SETD1B: variants seen among roughly 807,000 people sequenced by gnomAD.
SETD1B encodes the protein SET domain containing 1B, histone lysine methyltransferase.
Under a neutral mutation model 148.0 loss-of-function variants are expected in SETD1B, and 7 were observed. The ratio of observed to expected loss-of-function variants is 0.05; its 90% CI spans 0.03 to 0.09. The LOEUF is 0.09. Ranked by LOEUF, SETD1B falls within the 10% of genes least tolerant of loss-of-function variation. The pLI, the probability that SETD1B is intolerant of heterozygous loss-of-function variation, is 1.00. For synonymous variants in SETD1B, 1,361 were observed against 1,186.5 expected (o/e 1.15, Z -3.02); for missense variants, 2,155 against 2,729.9 (o/e 0.79, Z 4.69).
Position 121,828,084 on chromosome 12 carries a change from G to C in SETD1B, c.5727+14G>C, listed in dbSNP as rs759388179. Reference sequence around the variant, plus strand: ...CACAGCTGCAACGTGAGTGCCCAGCGGGGGGTGGCCCCTGCCCCTGCTCCT... The same window carrying C: ...CACAGCTGCAACGTGAGTGCCCAGCCGGGGGTGGCCCCTGCCCCTGCTCCT... On this transcript the variant is annotated intron_variant, in intron 16 of 16. Transcript: ENST00000604567. 2.0e-5 allele frequency: 31 copies of C among 1,550,728 alleles called. No homozygotes were observed. The highest frequency in any genetic ancestry group is 2.4e-5 in the Non-Finnish European group (28 of 1,146,734).
In SETD1B at chr12:121,830,023, C is replaced by G. The variant is rs1459890110; in HGVS notation, c.5728-43C>G. On this transcript the variant is annotated intron_variant, in intron 16 of 16. Coordinates refer to ENST00000604567, the MANE Select transcript of SETD1B (RefSeq NM_001353345.2). The surrounding 1 kb of genome is among the most constrained non-coding windows in gnomAD (Gnocchi z 5.7). ...GGGGGGTCTGCAGTGGTGGGGGACC[C>G]TGGGGGACCAGGGGCTCATTCTCCC... 2.1e-5 allele frequency: 32 copies of G among 1,529,594 alleles called. No individual in the cohort carries two copies. Among genetic ancestry groups the G allele is most frequent in the African/African-American group, 2.8e-5 (2 of 72,588 alleles). 94.8% of individuals were successfully genotyped at this position (1,529,594 alleles called of 1,614,324 possible).
At position 121,828,106 on chromosome 12, in the gene SETD1B, T is replaced by C. The variant is rs760472435; in HGVS notation, c.5727+36T>C. ...AGCGGGGGGTGGCCCCTGCCCCTGC[T>C]CCTGCCCCTGGCCCTGCTTCTGTGC... On this transcript the variant is annotated intron_variant, in intron 16 of 16. Transcript: ENST00000604567. The C allele has an allele frequency of 1.1e-5, 17 of 1,547,340 alleles. No individual in the cohort carries two copies. In the South Asian group the frequency reaches 1.7e-4, roughly 15 times the overall value.
At chr12:121,809,160 C>T (rs1256161422) in intron 5 of SETD1B, among the ~76,000 whole-genome samples, 1 of 152,204 alleles carries the variant, frequency 6.6e-6, no homozygotes, top group Non-Finnish European at 1.5e-5. Flanking sequence ...AGTCATGAGC[C>T]ACCACGCCTG....
intron 4 of SETD1B, among the ~76,000 whole-genome samples, chr12:121,807,581 G>A (rs1476300112): frequency 1.3e-5 from 2 of 152,052 alleles, no homozygotes; most frequent in African/African-American, 2.4e-5. Flanking sequence ...GCATATGTAA[G>A]CAGCTGCCTC....
chr12:121,804,646 T>C lies in SETD1B; in HGVS notation c.-14-78T>C, dbSNP rs954152536. Reference sequence around the variant, plus strand: ...GTGGGAGGGGGTGGGGGCCTGCCGATTGGATTCTTTCGCGTGTGTGTAGAA... The same window carrying C: ...GTGGGAGGGGGTGGGGGCCTGCCGACTGGATTCTTTCGCGTGTGTGTAGAA... On this transcript the variant is annotated intron_variant, in intron 1 of 16. Coordinates refer to ENST00000604567, the MANE Select transcript of SETD1B (RefSeq NM_001353345.2). This position sits in a 1 kb window ranked among gnomAD's most constrained non-coding sequence, Gnocchi z 4.6. 29 of 1,276,376 alleles carry C rather than the reference T, an allele frequency of 2.3e-5. No homozygotes were observed. Among genetic ancestry groups the C allele is most frequent in the Middle Eastern group, 2.7e-4 (1 of 3,666 alleles). 79.1% of individuals were successfully genotyped at this position (1,276,376 alleles called of 1,614,324 possible).
Position 121,812,559 on chromosome 12 carries a change from A to C in SETD1B, c.1891-1547A>C, listed in dbSNP as rs915140662. Among the ~76,000 whole-genome samples the C allele has an allele frequency of 4.6e-5, 7 of 151,608 alleles. No homozygotes were observed. In the East Asian group the frequency reaches 1.4e-3, roughly 30 times the overall value. The stretch of plus-strand genomic sequence containing the variant: ...GAGACTGCTGGGCAGAGGGAGGGGC[A>C]GGGCCGGCCGGGGCTGGAGCGCAGG... On this transcript the variant is annotated intron_variant, in intron 6 of 16. Coordinates refer to ENST00000604567, the MANE Select transcript of SETD1B (RefSeq NM_001353345.2).
intron 10 of SETD1B, among the ~76,000 whole-genome samples, chr12:121,818,583 T>C (rs1876410525): frequency 6.7e-6 from 1 of 148,712 alleles, no homozygotes; most frequent in Non-Finnish European, 1.5e-5. Context: ...ATAAATAAAA[T>C]TTTTTTTACA....
rs1283975296 is a variant in SETD1B at position 121,814,350 on chromosome 12, C to T, written c.2135C>T (p.Pro712Leu). ...CCCATGCCCCCACCGCTGCCCCCAC[C>T]GCCGCCCCCACCCCCTCCAGCCCAC... Reference protein sequence around the residue: ...GFPMPPPLPPPPPPPPPAHPA... With the variant: ...GFPMPPPLPPLPPPPPPAHPA... Residue 712 changes from proline (P) to leucine (L), a missense_variant, in exon 7 of 17, where the codon CCG (proline) becomes CTG (leucine). This residue lies in a region of SETD1B where 295 missense variants were observed against 303.8 expected (regional missense o/e 0.97). Transcript: ENST00000604567. The T allele has an allele frequency of 5.8e-6, 4 of 684,748 alleles. No homozygotes were observed. The highest frequency in any genetic ancestry group is 4.4e-4 in the Middle Eastern group (1 of 2,286). The allele number at this position is 684,748 out of a possible 1,614,324, so 42.4% of individuals were successfully genotyped here.
rs185627877 is a variant in SETD1B at position 121,831,423 on chromosome 12, C to T, written c.*1184C>T. The T allele has an allele frequency of 1.1e-4, 17 of 152,018 alleles. No homozygotes were observed. The highest frequency in any genetic ancestry group is 7.2e-4 in the Admixed American group (11 of 15,282). 9.4% of individuals were successfully genotyped at this position (152,018 alleles called of 1,614,324 possible). Reference sequence around the variant, plus strand: ...TTTTTTTTTCCCTTTTGACCCCCTTCCCATCTCTTCAGAATTTATTCCCAT... The same window carrying T: ...TTTTTTTTTCCCTTTTGACCCCCTTTCCATCTCTTCAGAATTTATTCCCAT... On this transcript the variant is annotated 3_prime_UTR_variant, in exon 17 of 17. Coordinates refer to ENST00000604567, the MANE Select transcript of SETD1B (RefSeq NM_001353345.2).
intron 4 of SETD1B, among the ~76,000 whole-genome samples, chr12:121,807,126 C>T (rs1249473108): frequency 6.6e-6 from 1 of 152,100 alleles, no homozygotes; most frequent in Non-Finnish European, 1.5e-5. Flanking sequence ...TCTTTTTTTG[C>T]GTTTAATGAT....
At chr12:121,824,449 C>G (rs950890264) in intron 12 of SETD1B, among the ~76,000 whole-genome samples, 1 of 152,162 alleles carries the variant, frequency 6.6e-6, no homozygotes, top group African/African-American at 2.4e-5. Flanking sequence ...AAGTTTGAGA[C>G]CAGCCTGGCC....
rs1177272568 is a variant in SETD1B at position 121,822,900 on chromosome 12, G to A, written c.4321G>A (p.Gly1441Arg). 1.9e-5 allele frequency: 28 copies of A among 1,498,480 alleles called. No homozygotes were observed. Among genetic ancestry groups the A allele is most frequent in the Non-Finnish European group, 2.1e-5 (23 of 1,119,310 alleles). The allele number at this position is 1,498,480 out of a possible 1,614,324, so 92.8% of individuals were successfully genotyped here. The change falls in exon 12 of 17, where the codon GGG becomes AGG. Residue 1441 changes from glycine (G) to arginine (R), a missense_variant. By Grantham distance (125) the Gly-to-Arg change is moderately radical (BLOSUM62 -2). Transcript: ENST00000604567. ...SFTPTFSEPS[G>R]PLLLPVCPLP... is the part of the protein sequence containing the mutation. ...CACACCCACCTTCTCCGAGCCCAGCGGGCCCTTGCTCCTGCCCGTCTGCCC... is the reference window on the plus strand; with the variant it reads ...CACACCCACCTTCTCCGAGCCCAGCAGGCCCTTGCTCCTGCCCGTCTGCCC...
At chr12:121,820,394 G>A (rs187032422) in intron 11 of SETD1B, among the ~76,000 whole-genome samples, 59 of 152,376 alleles carry the variant, frequency 3.9e-4, no homozygotes, top group African/African-American at 1.3e-3. Context: ...GTCCAGCACT[G>A]TAGCCTTCAG....
chr12:121,817,304 C>T lies in SETD1B; in HGVS notation c.2977+10C>T, dbSNP rs1302776175. The T allele has an allele frequency of 2.6e-6, 4 of 1,548,016 alleles. No homozygotes were observed. Among genetic ancestry groups the T allele is most frequent in the Non-Finnish European group, 3.5e-6 (4 of 1,145,148 alleles). ...GATGAGGAAGATGAAGGTTCGTGCT[C>T]TGGGTGCTGGGGTCCCCTTCTTCCG... On this transcript the variant is annotated intron_variant, in intron 8 of 16. Transcript: ENST00000604567. This position sits in a 1 kb window ranked among gnomAD's most constrained non-coding sequence, Gnocchi z 8.1.
rs927891585 is a variant in SETD1B at position 121,830,312 on chromosome 12, G to T, written c.*73G>T. 4.1e-6 allele frequency: 6 copies of T among 1,447,052 alleles called. No individual in the cohort carries two copies. Among genetic ancestry groups the T allele is most frequent in the Non-Finnish European group, 5.6e-6 (6 of 1,080,794 alleles). 89.6% of individuals were successfully genotyped at this position (1,447,052 alleles called of 1,614,324 possible). The stretch of plus-strand genomic sequence containing the variant: ...CGAGCGTGGAGCCCCTGGCCCCGGG[G>T]CCCGGCCCCCCGCGCCCGCCCCCAT... On this transcript the variant is annotated 3_prime_UTR_variant, in exon 17 of 17. Coordinates refer to ENST00000604567, the MANE Select transcript of SETD1B (RefSeq NM_001353345.2). This position sits in a 1 kb window ranked among gnomAD's most constrained non-coding sequence, Gnocchi z 5.7.
chr12:121,810,608 C>T lies in SETD1B; in HGVS notation c.1663C>T (p.Arg555Trp). ...PFGTNSQPGF[R>W]GPTPPSSRPS... The stretch of plus-strand genomic sequence containing the variant: ...TGGCACCAACTCCCAGCCAGGCTTC[C>T]GGGGCCCCACGCCCCCCTCGTCACG... The change falls in exon 6 of 17, where the codon CGG becomes TGG. Residue 555 changes from arginine to tryptophan, a missense_variant. Physicochemically the swap from Arg to Trp is moderately radical, Grantham distance 101. This residue lies in a region of SETD1B where 295 missense variants were observed against 303.8 expected (regional missense o/e 0.97). Coordinates refer to ENST00000604567, the MANE Select transcript of SETD1B (RefSeq NM_001353345.2). This position sits in a 1 kb window ranked among gnomAD's most constrained non-coding sequence, Gnocchi z 7.6. 6.5e-7 allele frequency: 1 copy of T among 1,548,352 alleles called. No homozygotes were observed.
Position 121,805,981 on chromosome 12 carries a change from C to T in SETD1B, c.420C>T (p.Thr140=). The T allele has an allele frequency of 2.6e-6, 4 of 1,551,638 alleles. No individual in the cohort carries two copies. In the African/African-American group the frequency reaches 4.1e-5, roughly 16 times the overall value. The change falls in exon 4 of 17, where the codon ACC becomes ACT. Residue 140 remains threonine (T), a synonymous_variant. Coordinates refer to ENST00000604567, the MANE Select transcript of SETD1B (RefSeq NM_001353345.2). The surrounding 1 kb of genome is among the most constrained non-coding windows in gnomAD (Gnocchi z 4.2). ...TGGAGATTTTGTACAACCCCAAGAC[C>T]AAGAAGCACCTGGGCATCGCCAAGG... ...EEVEILYNPK[T]KKHLGIAKVV... is the part of the protein sequence containing the mutation.
chr12:121,794,659 G>GC, the SETD1B span, among the ~76,000 whole-genome samples: 1 of 152,122 alleles, frequency 6.6e-6, no homozygotes. Context: ...CTTACTGTAG[G>GC]CAGTGCTATC....
chr12:121,804,594 C>G lies in SETD1B; in HGVS notation c.-14-130C>G. On this transcript the variant is annotated intron_variant, in intron 1 of 16. Coordinates refer to ENST00000604567, the MANE Select transcript of SETD1B (RefSeq NM_001353345.2). This position sits in a 1 kb window ranked among gnomAD's most constrained non-coding sequence, Gnocchi z 4.6. ...CTTGTTTTGGGGGGAGCCAGCGAGA[C>G]AGCTCCTTTCGGGGCGCGCTGGCAA... 1.4e-6 allele frequency: 1 copy of G among 720,218 alleles called. No homozygotes were observed. Among genetic ancestry groups the G allele is most frequent in the Admixed American group, 3.0e-5 (1 of 33,600 alleles). The allele number at this position is 720,218 out of a possible 1,614,324, so 44.6% of individuals were successfully genotyped here. A position where few individuals can be genotyped will look rare whatever the true frequency, so the allele number is the denominator to read the frequency against.
Sources: gnomAD v4.1 joint callset for allele counts (sites outside exome capture counted in the v4.1 genomes callset) on GRCh38, gnomAD v4.1.1 for gene constraint, gnomAD v4.1.1 regional missense constraint, Gnocchi (gnomAD v3.1) non-coding constraint, MANE v1.5 for transcripts, NCBI Gene and HGNC (gene_info 2026-07-23, HGNC 2026-07-21) for gene names.